The following MTMR7 variants were observed in gnomAD, a reference collection of about 807,000 sequenced individuals.
MTMR7 encodes myotubularin related protein 7.
Under a neutral mutation model 81.2 loss-of-function variants are expected in MTMR7, and 76 were observed. The observed-to-expected ratio is 0.94, with a 90% CI of 0.78 to 1.13. MTMR7 has a LOEUF of 1.13. Among genes scored for constraint, MTMR7 ranks in the 50% most tolerant of loss-of-function variants. MTMR7 has a pLI of 0.00. For synonymous variants in MTMR7, 372 were observed against 289.8 expected, an observed-to-expected ratio of 1.28 and a Z score of -2.88; for missense variants, 1,044 against 820.0, an observed-to-expected ratio of 1.27 and a Z score of -3.34.
chr8:17,330,808 T>C (rs1014720877), intron 7 of MTMR7, among the ~76,000 whole-genome samples: 2 of 152,200 alleles, frequency 1.3e-5, no homozygotes, highest in East Asian at 1.9e-4. Context: ...TGGTTGGTTA[T>C]TGCTTTAAAT....
chr8:17,367,382 T>C (rs1341507355), intron 3 of MTMR7, among the ~76,000 whole-genome samples: 1 of 152,118 alleles, frequency 6.6e-6, no homozygotes, highest in Non-Finnish European at 1.5e-5. Flanking sequence ...AGAGAGGACA[T>C]GGGAAAAGCT....
intron 6 of MTMR7, among the ~76,000 whole-genome samples, chr8:17,332,985 C>T (rs960451175): frequency 4.0e-5 from 6 of 151,840 alleles, no homozygotes; most frequent in Non-Finnish European, 8.8e-5. Context: ...ATACCGAGAG[C>T]ATATATGAAG....
chr8:17,321,856 A>G (rs769017564), intron 7 of MTMR7, among the ~76,000 whole-genome samples: 33 of 152,274 alleles, frequency 2.2e-4, no homozygotes, highest in Non-Finnish European at 4.6e-4. Context: ...TATAAACTAC[A>G]GTAAAAAAAT....
chr8:17,303,956 G>C (rs1042734393), intron 12 of MTMR7, among the ~76,000 whole-genome samples: 1 of 152,118 alleles, frequency 6.6e-6, no homozygotes, highest in African/African-American at 2.4e-5. Context: ...TATTACGTTG[G>C]TGCAAAAGTA....
intron 4 of MTMR7, among the ~76,000 whole-genome samples, chr8:17,357,799 G>C (rs1157121650): frequency 6.6e-6 from 1 of 152,146 alleles, no homozygotes; most frequent in Non-Finnish European, 1.5e-5. Context: ...ACTAGCACTG[G>C]TGATGTTCAT....
intron 8 of MTMR7, among the ~76,000 whole-genome samples, chr8:17,312,026 T>G (rs937056972): frequency 6.6e-6 from 1 of 151,658 alleles, no homozygotes; most frequent in Non-Finnish European, 1.5e-5. Flanking sequence ...GGCAAAAAAG[T>G]TATAAATTAC....
intron 5 of MTMR7, among the ~76,000 whole-genome samples, chr8:17,348,313 G>A (rs768700549): frequency 2.0e-5 from 3 of 152,000 alleles, no homozygotes; most frequent in Non-Finnish European, 2.9e-5. Context: ...CGAGGCAGGT[G>A]GGTCACCTGT....
chr8:17,301,759 T>C (rs940152752), intron 13 of MTMR7: 3 of 208,396 alleles, frequency 1.4e-5, no homozygotes, highest in South Asian at 1.4e-4. Context: ...TTACCAATTA[T>C]AGATTAATAT....
At chr8:17,380,594 CATA>C in intron 1 of MTMR7, among the ~76,000 whole-genome samples, 1 of 149,402 alleles carries the variant, frequency 6.7e-6, no homozygotes, top group Non-Finnish European at 1.5e-5. Context: ...AAGGACCATG[CATA>C]ATTTTCATGA....
intron 7 of MTMR7, among the ~76,000 whole-genome samples, chr8:17,324,313 C>T (rs889204647): frequency 6.6e-6 from 1 of 152,218 alleles, no homozygotes; most frequent in East Asian, 1.9e-4. Flanking sequence ...TAAGTACTTA[C>T]TACAAGCAGG....
rs529723222 is a variant in MTMR7 at position 17,413,100 on chromosome 8, G to T, written c.24+169C>A. Among the ~76,000 whole-genome samples, 10 of 152,282 alleles carry T rather than the reference G, an allele frequency of 6.6e-5. No individual in the cohort carries two copies. In the South Asian group the frequency reaches 1.2e-3, roughly 19 times the overall value. On this transcript the variant is annotated intron_variant, in intron 1 of 13. Transcript: ENST00000180173. ...CCTGGGAGGCAGCAAGAGAACGACC[G>T]GGCTCGCAGGCACCCCGGGATGCTC...
chr8:17,302,869 T>C (rs1221558005), intron 12 of MTMR7, among the ~76,000 whole-genome samples: 1 of 151,706 alleles, frequency 6.6e-6, no homozygotes, highest in Admixed American at 6.6e-5. Context: ...TGCACCACCA[T>C]GCCTAATTTT....
chr8:17,396,799 C>G (rs1229757819), intron 1 of MTMR7, among the ~76,000 whole-genome samples: 1 of 151,868 alleles, frequency 6.6e-6, no homozygotes, highest in African/African-American at 2.4e-5. Flanking sequence ...GGCAGTGCCT[C>G]TGGAAGTGAC....
chr8:17,303,174 C>T (rs996118839), intron 12 of MTMR7, among the ~76,000 whole-genome samples: 1 of 152,120 alleles, frequency 6.6e-6, no homozygotes, highest in Non-Finnish European at 1.5e-5. Flanking sequence ...GTGCCCAGAA[C>T]AGTGTTTGAT....
chr8:17,346,214 T>A (rs1464922164), intron 5 of MTMR7: 1 of 152,190 alleles, frequency 6.6e-6, no homozygotes, highest in Non-Finnish European at 1.5e-5. Context: ...ATGTAAACAT[T>A]GTTATAAAAC....
chr8:17,354,509 G>A (rs1216342146), intron 4 of MTMR7, among the ~76,000 whole-genome samples: 1 of 152,168 alleles, frequency 6.6e-6, no homozygotes. Flanking sequence ...AAATAGCGAT[G>A]GTGGTAAGAT....
intron 3 of MTMR7, among the ~76,000 whole-genome samples, chr8:17,365,234 G>A (rs1052737268): frequency 6.6e-6 from 1 of 152,080 alleles, no homozygotes; most frequent in Non-Finnish European, 1.5e-5. Flanking sequence ...TGTCTCTTGA[G>A]GTCCCTTGTC....
intron 1 of MTMR7, among the ~76,000 whole-genome samples, chr8:17,412,836 A>C (rs1821772695): frequency 1.3e-5 from 2 of 152,296 alleles, no homozygotes; most frequent in South Asian, 4.1e-4. Context: ...CAAGCTTCCA[A>C]GCGCAGGAGT....
chr8:17,378,572 A>G (rs539934171), intron 1 of MTMR7, among the ~76,000 whole-genome samples: 62 of 152,338 alleles, frequency 4.1e-4, no homozygotes, highest in African/African-American at 1.5e-3. Context: ...GGAAACAACC[A>G]GCTTCTCAAA....
Sources: allele counts gnomAD v4.1 joint callset (sites outside exome capture counted in the v4.1 genomes callset), GRCh38; gene constraint gnomAD v4.1.1; transcripts MANE v1.5; gene names NCBI Gene and HGNC (gene_info 2026-07-23, HGNC 2026-07-21).